DMD: variants seen among roughly 807,000 people sequenced by gnomAD.
The protein encoded by DMD is dystrophin, also known as mutant dystrophin.
In DMD, 63 loss-of-function variants were observed where a neutral mutation model predicts 330.1. The observed-to-expected ratio is 0.19, with a 90% CI of 0.16 to 0.24. DMD has a LOEUF of 0.24. Ranked by LOEUF, DMD falls within the 10% of genes least tolerant of loss-of-function variation. The pLI is 1.00. For missense variants in DMD, 3,344 were observed against 2,684.1 expected (o/e 1.25, Z -5.43); for synonymous variants, 1,223 against 959.8 (o/e 1.27, Z -5.07).
intron 29 of DMD, chrX:32,412,176 C>T (rs1569561729): frequency 1.8e-6 from 2 of 1,102,712 alleles, no homozygotes; most frequent in East Asian, 4.1e-5. Flanking sequence ...AGGAAATAGG[C>T]TGGAAAAAAA....
chrX:32,863,537 T>TATACACACACACAC (rs766140903), intron 2 of DMD, among the ~76,000 whole-genome samples: 2 of 78,240 alleles, frequency 2.6e-5, no homozygotes, highest in African/African-American at 6.3e-5. Context: ...ATTGTGTTTA[T>TATACACACACACAC]ACACACACAC....
chrX:32,325,662 G>A (rs1020508978), intron 41 of DMD, among the ~76,000 whole-genome samples: 1 of 111,790 alleles, frequency 8.9e-6, no homozygotes, highest in Non-Finnish European at 1.9e-5. Context: ...AGTGGCTGCT[G>A]TTGCCCATGA....
chrX:32,815,752 G>A (rs1477185515), intron 6 of DMD, among the ~76,000 whole-genome samples: 1 of 109,435 alleles, frequency 9.1e-6, no homozygotes, highest in Non-Finnish European at 1.9e-5. Flanking sequence ...ATATAGTTAA[G>A]GACTTTGGTT....
chrX:33,013,948 C>G (rs775169481), intron 2 of DMD, among the ~76,000 whole-genome samples: 4 of 111,847 alleles, frequency 3.6e-5, no homozygotes, highest in Non-Finnish European at 7.5e-5. Flanking sequence ...TGTTTGATGC[C>G]AAGAAGGTAG....
At chrX:32,665,379 T>G (rs939262392) in intron 9 of DMD, among the ~76,000 whole-genome samples, 1 of 112,065 alleles carries the variant, frequency 8.9e-6, no homozygotes, top group African/African-American at 3.2e-5. Flanking sequence ...CTCCTAATGT[T>G]GGTAAGCTAA....
At chrX:32,617,567 A>G (rs141517751) in intron 11 of DMD, among the ~76,000 whole-genome samples, 1,185 of 111,331 alleles carry the variant, frequency 0.011, 11 homozygotes, top group Non-Finnish European at 0.018. Flanking sequence ...CCAATTTGAA[A>G]TGGATTAAAA....
intron 9 of DMD, among the ~76,000 whole-genome samples, chrX:32,653,802 C>A (rs1400974362): frequency 8.9e-6 from 1 of 111,782 alleles, no homozygotes; most frequent in Non-Finnish European, 1.9e-5. Context: ...ATAGAATGTT[C>A]TTCCATTTGT....
chrX:31,613,678 A>G (rs992065001), intron 55 of DMD, among the ~76,000 whole-genome samples: 2 of 111,249 alleles, frequency 1.8e-5, no homozygotes, highest in Non-Finnish European at 3.8e-5. Flanking sequence ...TTGGATGACT[A>G]AAGGACTTTG....
At chrX:31,333,167 T>G (rs2057227817) in intron 61 of DMD, among the ~76,000 whole-genome samples, 1 of 112,167 alleles carries the variant, frequency 8.9e-6, no homozygotes. Flanking sequence ...GTTTTATCAT[T>G]ATATACTATA....
rs376502071 is a variant in DMD, at chrX:31,340,379, A to C, written c.9163+8177T>G. On this transcript the variant is annotated intron_variant, in intron 61 of 78. Coordinates refer to ENST00000357033, the MANE Select transcript of DMD (RefSeq NM_004006.3). ...TCACTGGTTAAAAGCTGGAGTATAA[A>C]ATGTTACCTTTATTGTTTTTTTTCC... is the stretch of plus-strand genomic sequence containing the variant. Among the ~76,000 whole-genome samples the C allele has an allele frequency of 5.3e-5, 6 of 112,611 alleles. No individual in the cohort carries two copies. In the East Asian group the frequency reaches 1.4e-3, roughly 26 times the overall value.
In DMD at chrX:31,172,466, T is replaced by C. The variant is rs376003938; in HGVS notation, c.10329-53A>G. ...AACTTATGTGACGTCTTAGAATCTATTCAAGACCTAATCGAACATTCCTGA... is the reference window on the plus strand; with the variant it reads ...AACTTATGTGACGTCTTAGAATCTACTCAAGACCTAATCGAACATTCCTGA... On this transcript the variant is annotated intron_variant, in intron 72 of 78. Transcript: ENST00000357033. 16 of 891,088 alleles carry C rather than the reference T, an allele frequency of 1.8e-5. No homozygotes were observed. The African/African-American group carries it at 2.5e-4, about 14-fold the overall frequency. 73.4% of individuals were successfully genotyped at this position (891,088 alleles called of 1,213,427 possible).
intron 1 of DMD, among the ~76,000 whole-genome samples, chrX:33,051,378 ATTG>A (rs1300041269): frequency 9.3e-6 from 1 of 107,471 alleles, no homozygotes. Context: ...CGCCTGGCTA[ATTG>A]TTGTATTTTT....
chrX:32,335,800 AAC>A (rs1403817237), intron 41 of DMD, among the ~76,000 whole-genome samples: 1 of 106,117 alleles, frequency 9.4e-6, no homozygotes, highest in Non-Finnish European at 1.9e-5. Context: ...TGTTATATAT[AAC>A]ACGTGTATAT....
intron 1 of DMD, among the ~76,000 whole-genome samples, chrX:33,045,945 C>T (rs369986518): frequency 9.0e-6 from 1 of 111,242 alleles, no homozygotes; most frequent in African/African-American, 3.3e-5. Context: ...GACACAGACA[C>T]CCCAAATCCT....
At chrX:32,954,349 T>G (rs2091444879) in intron 2 of DMD, among the ~76,000 whole-genome samples, 1 of 111,816 alleles carries the variant, frequency 8.9e-6, no homozygotes, top group South Asian at 3.8e-4. Context: ...ATGAAACAGA[T>G]GAAGAGTGAG....
intron 52 of DMD, among the ~76,000 whole-genome samples, chrX:31,722,692 T>C (rs1479736353): frequency 2.7e-5 from 3 of 110,887 alleles, no homozygotes; most frequent in South Asian, 3.9e-4. Context: ...ATGAAACTTA[T>C]GTTACTTGAA....
chrX:32,580,273 C>T (rs942301426), intron 13 of DMD, among the ~76,000 whole-genome samples: 3 of 111,685 alleles, frequency 2.7e-5, no homozygotes, highest in African/African-American at 9.8e-5. Context: ...CACAAATATC[C>T]CAAAACTGAA....
chrX:32,593,839 T>C (rs2055212590), intron 13 of DMD, among the ~76,000 whole-genome samples: 1 of 112,558 alleles, frequency 8.9e-6, no homozygotes, highest in African/African-American at 3.2e-5. Context: ...CTGGCATCAC[T>C]GCCTATGAAA....
intron 1 of DMD, among the ~76,000 whole-genome samples, chrX:33,047,852 T>A (rs2094404306): frequency 8.9e-6 from 1 of 112,279 alleles, no homozygotes; most frequent in Admixed American, 9.5e-5. Flanking sequence ...AGGAAATGAA[T>A]CTTGCAATTC....
Sources: allele counts gnomAD v4.1 joint callset (sites outside exome capture counted in the v4.1 genomes callset), GRCh38; gene constraint gnomAD v4.1.1; transcripts MANE v1.5; gene names NCBI Gene and HGNC (gene_info 2026-07-23, HGNC 2026-07-21).